The following TLN2 variants were observed in gnomAD, a reference collection of about 807,000 sequenced individuals.
The protein encoded by TLN2 is talin 2.
In TLN2, 118 loss-of-function variants were observed where a neutral mutation model predicts 294.7. That is an observed-to-expected ratio of 0.40 (90% CI 0.34 to 0.47). TLN2 has a LOEUF of 0.47. Ranked by LOEUF, TLN2 falls within the 20% of genes least tolerant of loss-of-function variation. The probability of loss-of-function intolerance (pLI) is 0.84; values close to 1 mark genes in which losing one functional copy is unlikely to be tolerated. For missense variants in TLN2, 3,083 were observed against 3,282.2 expected, an observed-to-expected ratio of 0.94 and a Z score of 1.48; for synonymous variants, 1,431 against 1,304.5, an observed-to-expected ratio of 1.10 and a Z score of -2.09.
intron 1 of TLN2, among the ~76,000 whole-genome samples, chr15:62,582,003 C>T (rs1237186846): frequency 6.6e-6 from 1 of 150,636 alleles, no homozygotes; most frequent in Non-Finnish European, 1.5e-5. Context: ...AAGATTGTGC[C>T]GCTGCACTCC....
intron 37 of TLN2, among the ~76,000 whole-genome samples, chr15:62,761,074 A>G (rs908643518): frequency 6.6e-6 from 1 of 152,116 alleles, no homozygotes; most frequent in Non-Finnish European, 1.5e-5. Context: ...TTTGTTAAAT[A>G]TGATGTTTGT....
intron 1 of TLN2, among the ~76,000 whole-genome samples, chr15:62,426,475 G>T (rs1233950720): frequency 6.6e-6 from 1 of 152,182 alleles, no homozygotes; most frequent in Non-Finnish European, 1.5e-5. Context: ...GCTTTAACTG[G>T]CAGGGATTGG....
rs756735673 is a variant in TLN2, at chr15:62,766,435, G to A, written c.5196+13G>A. 122 of 1,597,596 alleles carry A rather than the reference G, an allele frequency of 7.6e-5. No homozygotes were observed. Among genetic ancestry groups the A allele is most frequent in the African/African-American group, 4.0e-4 (30 of 74,674 alleles). ...GCTGGGACATAAGGTAATGCACACC[G>A]AGGGGATCCTGCGAGGGTGTGCGTG... is the stretch of plus-strand genomic sequence containing the variant. On this transcript the variant is annotated intron_variant, in intron 41 of 58. Coordinates refer to ENST00000636159, the MANE Select transcript of TLN2 (RefSeq NM_015059.3).
chr15:62,442,669 A>T (rs1361271470), intron 1 of TLN2, among the ~76,000 whole-genome samples: 12 of 151,976 alleles, frequency 7.9e-5, no homozygotes, highest in Admixed American at 5.3e-4. Flanking sequence ...GAAAAAAAAA[A>T]TTTGTTTTTT....
Position 62,748,049 on chromosome 15 carries a change from G to GA in TLN2, c.4026-293dup, listed in dbSNP as rs202220742. 2.7e-3 allele frequency among the ~76,000 whole-genome samples: 399 copies of GA among 150,180 alleles called. 1 individual carries two copies. The highest frequency in any genetic ancestry group is 0.02 in the East Asian group (102 of 5,112). On this transcript the variant is annotated intron_variant, in intron 32 of 58. Coordinates refer to ENST00000636159, the MANE Select transcript of TLN2 (RefSeq NM_015059.3). ...TAGACACACTGGTGTAACTTTTACT[G>GA]AAAAAAAAACCCACCTATAAGCAGA... is the stretch of plus-strand genomic sequence containing the variant.
chr15:62,822,177 C>G (rs1486173587), intron 54 of TLN2, among the ~76,000 whole-genome samples: 90 of 152,284 alleles, frequency 5.9e-4, no homozygotes, highest in Non-Finnish European at 4.4e-5. Flanking sequence ...GTTCACTTCA[C>G]GACTCCAGAT....
chr15:62,772,327 G>C (rs2063396212), intron 42 of TLN2, among the ~76,000 whole-genome samples: 1 of 152,096 alleles, frequency 6.6e-6, no homozygotes, highest in South Asian at 2.1e-4. Flanking sequence ...CTCATTCTGG[G>C]GATGCTGAAA....
At position 62,833,613 on chromosome 15, in the gene TLN2, T is replaced by C. The variant is rs1452375635; in HGVS notation, c.7112T>C (p.Leu2371Pro). Reference protein sequence around the residue: ...VKSASAAQRELVAQGKVGSIP... With the variant: ...VKSASAAQREPVAQGKVGSIP... The stretch of plus-strand genomic sequence containing the variant: ...TCGGCCTCAGCAGCCCAGAGGGAGC[T>C]GGTGGCCCAAGGAAAGGTGGGTAAA... Residue 2371 changes from leucine to proline, a missense_variant, in exon 55 of 59, where the codon CTG becomes CCG. Leu to Pro is a moderately conservative substitution (Grantham distance 98, BLOSUM62 -3). Coordinates refer to ENST00000636159, the MANE Select transcript of TLN2 (RefSeq NM_015059.3). The C allele has an allele frequency of 1.2e-6, 2 of 1,613,984 alleles. No homozygotes were observed. The highest frequency in any genetic ancestry group is 2.2e-5 in the South Asian group (2 of 91,038).
chr15:62,622,489 T>A (rs564762819), intron 3 of TLN2, among the ~76,000 whole-genome samples: 4 of 152,326 alleles, frequency 2.6e-5, no homozygotes, highest in African/African-American at 9.6e-5. Flanking sequence ...TGTTATGTAT[T>A]AAGCACTTGC....
chr15:62,396,642 T>C (rs907776003), intron 1 of TLN2, among the ~76,000 whole-genome samples: 1 of 152,114 alleles, frequency 6.6e-6, no homozygotes, highest in African/African-American at 2.4e-5. Context: ...CTCTCCTTTA[T>C]CTTAACTTTC....
chr15:62,735,885 G>GA (rs1474059180), intron 28 of TLN2, among the ~76,000 whole-genome samples: 1 of 152,046 alleles, frequency 6.6e-6, no homozygotes, highest in African/African-American at 2.4e-5. Context: ...TTGTATAGTG[G>GA]AATACTATAT....
chr15:62,614,784 A>G (rs7170771), intron 2 of TLN2, among the ~76,000 whole-genome samples: 66,120 of 152,016 alleles, frequency 0.43, 14,641 homozygotes, highest in East Asian at 0.57. Context: ...TGACTTCTCC[A>G]CCATCTTTCT....
chr15:62,667,459 CT>C (rs1202228812), intron 9 of TLN2, among the ~76,000 whole-genome samples: 7 of 152,198 alleles, frequency 4.6e-5, no homozygotes, highest in Non-Finnish European at 1.0e-4. Flanking sequence ...TCCACCATCC[CT>C]CCCCTCTGTT....
chr15:62,675,739 A>G (rs1363642946), intron 11 of TLN2, among the ~76,000 whole-genome samples: 4 of 152,236 alleles, frequency 2.6e-5, no homozygotes, highest in Non-Finnish European at 5.9e-5. Context: ...ACTTTAAGAC[A>G]GGGCTTGGGA....
intron 1 of TLN2, among the ~76,000 whole-genome samples, chr15:62,576,612 TTTTTG>T: frequency 6.6e-6 from 1 of 150,622 alleles, no homozygotes. Context: ...TTTTTTTTTT[TTTTTG>T]CATTTTAAGA....
At chr15:62,729,538 T>C (rs2060607614) in intron 28 of TLN2, among the ~76,000 whole-genome samples, 1 of 152,186 alleles carries the variant, frequency 6.6e-6, no homozygotes, top group African/African-American at 2.4e-5. Flanking sequence ...AGTTTTATGG[T>C]TTTCTGCATA....
At chr15:62,494,974 G>A (rs936874643) in intron 1 of TLN2, among the ~76,000 whole-genome samples, 3 of 152,140 alleles carry the variant, frequency 2.0e-5, no homozygotes, top group South Asian at 2.1e-4. Context: ...TACTGAGAAG[G>A]CAATACTGGG....
chr15:62,679,815 G>T (rs2056636363), intron 11 of TLN2, among the ~76,000 whole-genome samples: 1 of 152,176 alleles, frequency 6.6e-6, no homozygotes. Flanking sequence ...ACCTTATTCA[G>T]AGTTCACCAG....
intron 42 of TLN2, among the ~76,000 whole-genome samples, 199 bp from the exon 43 acceptor site, chr15:62,776,565 G>C (rs547692657): frequency 1.4e-4 from 22 of 152,204 alleles, no homozygotes; most frequent in African/African-American, 5.3e-4. Context: ...TGTAAAAAGA[G>C]ATCTTTTTCT....
Sources: allele counts gnomAD v4.1 joint callset (sites outside exome capture counted in the v4.1 genomes callset), GRCh38; gene constraint gnomAD v4.1.1; transcripts MANE v1.5; gene names NCBI Gene and HGNC (gene_info 2026-07-23, HGNC 2026-07-21).